The following FAT3 variants were observed in gnomAD, a reference collection of about 807,000 sequenced individuals.
FAT3 encodes the protein protocadherin Fat 3.
Under a neutral mutation model 310.2 loss-of-function variants are expected in FAT3, and 95 were observed. The observed-to-expected ratio is 0.31, with a 90% CI of 0.26 to 0.36. The LOEUF (loss-of-function observed/expected upper bound fraction) is 0.36, where lower values mean the gene tolerates loss of function less well. FAT3 is among the 10% of genes least tolerant of loss of function. The pLI, the probability that FAT3 is intolerant of heterozygous loss-of-function variation, is 1.00. For missense variants in FAT3, 5,408 were observed against 5,715.6 expected (o/e 0.95, Z 1.74); for synonymous variants, 2,314 against 2,192.9 (o/e 1.06, Z -1.54).
At chr11:92,718,793 G>C (rs1944766676) in intron 4 of FAT3, among the ~76,000 whole-genome samples, 1 of 152,070 alleles carries the variant, frequency 6.6e-6, no homozygotes. Context: ...CATTAGTTTT[G>C]CTGTATCCAG....
intron 1 of FAT3, among the ~76,000 whole-genome samples, chr11:92,235,396 C>T (rs556352355): frequency 6.6e-6 from 1 of 152,308 alleles, no homozygotes; most frequent in East Asian, 1.9e-4. Context: ...TCCCCCTACA[C>T]TTTGTGGTAT....
chr11:92,799,395 G>A lies in FAT3; in HGVS notation c.6382G>A (p.Gly2128Ser), dbSNP rs773106247. 2.5e-6 allele frequency: 4 copies of A among 1,613,632 alleles called. No homozygotes were observed. Among genetic ancestry groups the A allele is most frequent in the Non-Finnish European group, 2.5e-6 (3 of 1,179,764 alleles). ...EVTYVLQDDY[G>S]HFEINPNSGN... ...GACCTATGTCCTGCAGGATGACTATGGCCACTTTGAAATTAACCCTAATTC... is the reference window on the plus strand; with the variant it reads ...GACCTATGTCCTGCAGGATGACTATAGCCACTTTGAAATTAACCCTAATTC... Residue 2128 changes from glycine to serine, a missense_variant, in exon 10 of 28, where the codon GGC (glycine) becomes AGC (serine). By Grantham distance (56) the Gly-to-Ser change is moderately conservative (BLOSUM62 0). Coordinates refer to ENST00000525166, the MANE Select transcript of FAT3 (RefSeq NM_001367949.2).
At chr11:92,881,756 G>C (rs1345167533) in intron 23 of FAT3, among the ~76,000 whole-genome samples, 2 of 152,132 alleles carry the variant, frequency 1.3e-5, no homozygotes, top group African/African-American at 2.4e-5. Flanking sequence ...ATAATACTAA[G>C]CTAAGAAAGA....
chr11:92,750,211 AG>A (rs1284122590), intron 4 of FAT3, among the ~76,000 whole-genome samples: 1 of 152,008 alleles, frequency 6.6e-6, no homozygotes, highest in Non-Finnish European at 1.5e-5. Flanking sequence ...TGAGAGGGGG[AG>A]GGAGAAATAA....
At chr11:92,676,648 A>G (rs184571731) in intron 3 of FAT3, among the ~76,000 whole-genome samples, 93 of 152,336 alleles carry the variant, frequency 6.1e-4, no homozygotes, top group Middle Eastern at 6.8e-3. Flanking sequence ...TGAAATAAGT[A>G]AGATTGAGAA....
intron 1 of FAT3, among the ~76,000 whole-genome samples, chr11:92,347,914 A>G (rs1031015797): frequency 2.0e-5 from 3 of 152,230 alleles, no homozygotes; most frequent in African/African-American, 7.2e-5. Context: ...ACTGTATCAT[A>G]TTGGCTTCAC....
At chr11:92,392,537 A>C (rs676661) in intron 2 of FAT3, among the ~76,000 whole-genome samples, 43,768 of 151,846 alleles carry the variant, frequency 0.29, 9,106 homozygotes, top group African/African-American at 0.59. Context: ...ACCCCTCCCC[A>C]CAAATCCCCA....
intron 2 of FAT3, among the ~76,000 whole-genome samples, chr11:92,485,814 G>A (rs1289741625): frequency 6.6e-6 from 1 of 152,156 alleles, no homozygotes. Flanking sequence ...ATTGTAGTAT[G>A]TTAAAACAAC....
intron 1 of FAT3, among the ~76,000 whole-genome samples, chr11:92,310,521 A>G (rs1947269415): frequency 2.0e-5 from 3 of 152,178 alleles, no homozygotes; most frequent in African/African-American, 7.2e-5. Context: ...TTAGAAAACT[A>G]TATAAATTTT....
At chr11:92,233,888 A>G (rs1419622238) in intron 1 of FAT3, among the ~76,000 whole-genome samples, 1 of 152,170 alleles carries the variant, frequency 6.6e-6, no homozygotes, top group Non-Finnish European at 1.5e-5. Flanking sequence ...TGTATTCAGC[A>G]GTGCACATGT....
chr11:92,536,810 A>G (rs1465011961), intron 3 of FAT3, among the ~76,000 whole-genome samples: 2 of 152,156 alleles, frequency 1.3e-5, no homozygotes, highest in African/African-American at 2.4e-5. Flanking sequence ...GGGGCTAAAC[A>G]AAGGACCCTC....
At chr11:92,452,116 T>C (rs1049138629) in intron 2 of FAT3, among the ~76,000 whole-genome samples, 1 of 152,176 alleles carries the variant, frequency 6.6e-6, no homozygotes, top group Non-Finnish European at 1.5e-5. Context: ...ATTAACTGTT[T>C]GCTTTCAGCC....
At chr11:92,721,168 A>G (rs781751698) in intron 4 of FAT3, among the ~76,000 whole-genome samples, 4 of 152,216 alleles carry the variant, frequency 2.6e-5, no homozygotes, top group Non-Finnish European at 5.9e-5. Flanking sequence ...TTTAGCAACA[A>G]TGTACACTGC....
At position 92,587,766 on chromosome 11, in the gene FAT3, G is replaced by T. The variant is rs186104817; in HGVS notation, c.3607+62818G>T. 5.9e-5 allele frequency among the ~76,000 whole-genome samples: 9 copies of T among 152,006 alleles called. No homozygotes were observed. In the East Asian group the frequency reaches 1.7e-3, roughly 30 times the overall value. On this transcript the variant is annotated intron_variant, in intron 3 of 27. Transcript: ENST00000525166. Reference sequence around the variant, plus strand: ...ATGTGCTAAAGGGCTAATATGGAACGTGTTCCTCCTTCCTTTAAGAAATGT... The same window carrying T: ...ATGTGCTAAAGGGCTAATATGGAACTTGTTCCTCCTTCCTTTAAGAAATGT...
At position 92,892,972 on chromosome 11, in the gene FAT3, A is replaced by G. The variant is rs1346083376; in HGVS notation, c.*1859A>G. 1.3e-5 allele frequency: 2 copies of G among 152,228 alleles called. No homozygotes were observed. The highest frequency in any genetic ancestry group is 2.9e-5 in the Non-Finnish European group (2 of 68,048). The allele number at this position is 152,228 out of a possible 1,614,324, so 9.4% of individuals were successfully genotyped here. A position where few individuals can be genotyped will look rare whatever the true frequency, so the allele number is the denominator to read the frequency against. Reference sequence around the variant, plus strand: ...CGCCTGTGCAGTGGCCATGGTAAATATATGCATATTTGCACTATCTGCTTA... The same window carrying G: ...CGCCTGTGCAGTGGCCATGGTAAATGTATGCATATTTGCACTATCTGCTTA... On this transcript the variant is annotated 3_prime_UTR_variant, in exon 28 of 28. Transcript: ENST00000525166.
rs139302616 is a variant in FAT3 at position 92,894,374 on chromosome 11, A to AT, written c.*3268dup. On this transcript the variant is annotated 3_prime_UTR_variant, in exon 28 of 28. Transcript: ENST00000525166. ...GTTGCATTTTTGGTTTTGGTTTTGC[A>AT]TTTTTTTCTTCCCACAAACACTGGC... is the stretch of plus-strand genomic sequence containing the variant. 0.037 allele frequency: 5,618 copies of AT among 152,098 alleles called. 136 individuals are homozygous for AT. Among genetic ancestry groups the AT allele is most frequent in the Non-Finnish European group, 0.051 (3,479 of 67,984 alleles). The allele number at this position is 152,098 out of a possible 1,614,324, so 9.4% of individuals were successfully genotyped here. A position where few individuals can be genotyped will look rare whatever the true frequency, so the allele number is the denominator to read the frequency against.
At chr11:92,862,226 C>A (rs891117962) in intron 21 of FAT3, among the ~76,000 whole-genome samples, 1 of 152,192 alleles carries the variant, frequency 6.6e-6, no homozygotes, top group Non-Finnish European at 1.5e-5. Flanking sequence ...CAAACCATAA[C>A]TGAGGTTCCT....
At chr11:92,533,836 G>T (rs1954159689) in intron 3 of FAT3, among the ~76,000 whole-genome samples, 1 of 152,028 alleles carries the variant, frequency 6.6e-6, no homozygotes, top group African/African-American at 2.4e-5. Flanking sequence ...CTTACCCTGG[G>T]GCTCAGCTGC....
chr11:92,319,066 C>T (rs1049267661), intron 1 of FAT3, among the ~76,000 whole-genome samples: 1 of 152,182 alleles, frequency 6.6e-6, no homozygotes, highest in Admixed American at 6.5e-5. Flanking sequence ...TGCACTCATA[C>T]ACAATCTAAA....
Sources: gnomAD v4.1 joint callset for allele counts (sites outside exome capture counted in the v4.1 genomes callset) on GRCh38, gnomAD v4.1.1 for gene constraint, MANE v1.5 for transcripts, NCBI Gene and HGNC (gene_info 2026-07-23, HGNC 2026-07-21) for gene names.